EYS: variants seen among roughly 807,000 people sequenced by gnomAD.
EYS encodes protein eyes shut homolog.
Under a neutral mutation model 282.1 loss-of-function variants are expected in EYS, and 250 were observed. That is an observed-to-expected ratio of 0.89 (90% CI 0.80 to 0.98). EYS has a LOEUF of 0.98. Ranked by LOEUF, EYS falls within the 50% of genes least tolerant of loss-of-function variation. The pLI, the probability that EYS is intolerant of heterozygous loss-of-function variation, is 0.00. For missense variants in EYS, 4,016 were observed against 3,709.0 expected (o/e 1.08, Z -2.15); for synonymous variants, 1,355 against 1,282.9 (o/e 1.06, Z -1.20).
chr6:65,242,667 T>G (rs939706423), intron 12 of EYS, among the ~76,000 whole-genome samples: 1 of 152,174 alleles, frequency 6.6e-6, no homozygotes, highest in Non-Finnish European at 1.5e-5. Context: ...ATGATAAATT[T>G]ATATTTAACA....
At chr6:64,306,562 C>T (rs974762619) in intron 30 of EYS, among the ~76,000 whole-genome samples, 1 of 152,064 alleles carries the variant, frequency 6.6e-6, no homozygotes, top group Non-Finnish European at 1.5e-5. Flanking sequence ...AATACGTCTC[C>T]CATAATGGAA....
chr6:64,131,500 T>G (rs1773978785), intron 31 of EYS, among the ~76,000 whole-genome samples: 1 of 152,170 alleles, frequency 6.6e-6, no homozygotes, highest in Admixed American at 6.6e-5. Flanking sequence ...TCACATTGCC[T>G]GTGGTGTACA....
intron 36 of EYS, among the ~76,000 whole-genome samples, chr6:63,863,956 G>A (rs1307492384): frequency 1.3e-5 from 2 of 152,154 alleles, no homozygotes; most frequent in Non-Finnish European, 2.9e-5. Flanking sequence ...TTACAGGCGT[G>A]AGCCACTGTA....
intron 31 of EYS, among the ~76,000 whole-genome samples, chr6:64,230,056 C>T (rs1258050347): frequency 6.6e-6 from 1 of 152,170 alleles, no homozygotes; most frequent in African/African-American, 2.4e-5. Flanking sequence ...TAACTGAAAA[C>T]ATCTTAGGAG....
At chr6:64,882,614 G>T (rs1031927615) in intron 19 of EYS, among the ~76,000 whole-genome samples, 2 of 151,526 alleles carry the variant, frequency 1.3e-5, no homozygotes, top group African/African-American at 4.8e-5. Context: ...TATATCTATA[G>T]ACTTATAGTT....
chr6:65,451,200 A>G (rs1035648260), intron 5 of EYS, among the ~76,000 whole-genome samples: 17 of 152,046 alleles, frequency 1.1e-4, no homozygotes, highest in African/African-American at 3.9e-4. Flanking sequence ...AGTGTAGCCA[A>G]TTCTAAGTTG....
intron 22 of EYS, among the ~76,000 whole-genome samples, chr6:64,754,765 C>A (rs185978390): frequency 9.2e-5 from 14 of 152,136 alleles, no homozygotes; most frequent in Admixed American, 3.9e-4. Flanking sequence ...TGATTAAAAA[C>A]CCTCAACAAC....
chr6:64,764,475 A>T (rs1773259631), intron 22 of EYS, among the ~76,000 whole-genome samples: 1 of 152,200 alleles, frequency 6.6e-6, no homozygotes, highest in Non-Finnish European at 1.5e-5. Flanking sequence ...AGCACAGGGC[A>T]ATGGGGCCCT....
chr6:63,823,265 G>A (rs1045100496), intron 36 of EYS, among the ~76,000 whole-genome samples: 1 of 152,068 alleles, frequency 6.6e-6, no homozygotes, highest in Non-Finnish European at 1.5e-5. Flanking sequence ...TTAATAAAAT[G>A]AATTGAGAAG....
At chr6:64,340,459 G>A (rs1199023389) in intron 29 of EYS, among the ~76,000 whole-genome samples, 1 of 151,642 alleles carries the variant, frequency 6.6e-6, no homozygotes, top group African/African-American at 2.4e-5. Context: ...CAACAAAAAT[G>A]AGCAATGGAG....
chr6:65,314,224 A>G (rs1019572168), intron 11 of EYS, among the ~76,000 whole-genome samples: 1 of 151,162 alleles, frequency 6.6e-6, no homozygotes, highest in African/African-American at 2.4e-5. Context: ...CCCATTTAAA[A>G]TCGAAACCCC....
At chr6:64,316,388 T>C (rs1223249614) in intron 29 of EYS, among the ~76,000 whole-genome samples, 1 of 152,178 alleles carries the variant, frequency 6.6e-6, no homozygotes, top group African/African-American at 2.4e-5. Flanking sequence ...GCAATATCAA[T>C]GTGCAAAAAT....
At chr6:65,110,800 G>A (rs542005786) in intron 12 of EYS, among the ~76,000 whole-genome samples, 1 of 151,942 alleles carries the variant, frequency 6.6e-6, no homozygotes, top group South Asian at 2.1e-4. Flanking sequence ...GTCCTCCATC[G>A]TCAACAGTGC....
chr6:65,078,618 A>G (rs139149554), intron 12 of EYS, among the ~76,000 whole-genome samples: 2 of 152,288 alleles, frequency 1.3e-5, no homozygotes, highest in African/African-American at 4.8e-5. Flanking sequence ...GTTGGCTACA[A>G]TAATGCATGC....
intron 35 of EYS, among the ~76,000 whole-genome samples, chr6:63,899,959 A>G (rs947153771): frequency 1.3e-5 from 2 of 152,242 alleles, no homozygotes; most frequent in African/African-American, 4.8e-5. Context: ...CATTTATAGC[A>G]TAAGTTTGTA....
intron 33 of EYS, among the ~76,000 whole-genome samples, chr6:64,002,831 C>T (rs995943472): frequency 1.3e-5 from 2 of 152,172 alleles, no homozygotes; most frequent in African/African-American, 4.8e-5. Context: ...AGCCTCTGCG[C>T]CTGGCCTGAG....
At chr6:64,627,680 C>T (rs1767651473) in intron 22 of EYS, among the ~76,000 whole-genome samples, 1 of 152,118 alleles carries the variant, frequency 6.6e-6, no homozygotes, top group Admixed American at 6.5e-5. Flanking sequence ...TGGGTCTGCC[C>T]GGCTGAAGCT....
chr6:64,972,343 T>A (rs1276352145), intron 14 of EYS, among the ~76,000 whole-genome samples: 2 of 152,102 alleles, frequency 1.3e-5, no homozygotes, highest in African/African-American at 4.8e-5. Flanking sequence ...ACAGAAACAT[T>A]CCTATAGAAA....
At chr6:64,300,609 C>T (rs542455646) in intron 30 of EYS, among the ~76,000 whole-genome samples, 6 of 152,264 alleles carry the variant, frequency 3.9e-5, no homozygotes, top group Admixed American at 2.6e-4. Flanking sequence ...ATGGAACAAT[C>T]AAACAGCCCC....
Sources: gnomAD v4.1 joint callset for allele counts (sites outside exome capture counted in the v4.1 genomes callset) on GRCh38, gnomAD v4.1.1 for gene constraint, MANE v1.5 for transcripts, NCBI Gene and HGNC (gene_info 2026-07-23, HGNC 2026-07-21) for gene names.